PROM1: variants seen among roughly 807,000 people sequenced by gnomAD.
PROM1 encodes the protein prominin 1.
A neutral mutation model predicts 116.9 loss-of-function variants in PROM1; 105 were observed. The ratio of observed to expected loss-of-function variants is 0.90; its 90% CI spans 0.77 to 1.06. The LOEUF (loss-of-function observed/expected upper bound fraction) is 1.06, where lower values mean the gene tolerates loss of function less well. PROM1 is among the 50% of genes least tolerant of loss of function. The pLI is 0.00. For synonymous variants in PROM1, 393 were observed against 387.0 expected (o/e 1.02, Z -0.18); for missense variants, 1,122 against 1,045.2 (o/e 1.07, Z -1.01).
Position 15,985,602 on chromosome 4 carries a change from G to A in PROM1, c.2280+158C>T, listed in dbSNP as rs373219704. ...AGGTGGCTGTCCTCTGACCTGGTGG[G>A]AAGCCCCAGAAGTCTTGGTCCTGCA... On this transcript the variant is annotated intron_variant, in intron 22 of 27. Coordinates refer to ENST00000447510, the MANE Select transcript of PROM1 (RefSeq NM_006017.3). 26 of 655,950 alleles carry A rather than the reference G, an allele frequency of 4.0e-5. No individual in the cohort carries two copies. The Middle Eastern group carries it at 1.6e-3, about 40-fold the overall frequency. The allele number at this position is 655,950 out of a possible 1,614,324, so 40.6% of individuals were successfully genotyped here.
intron 15 of PROM1, among the ~76,000 whole-genome samples, chr4:15,997,893 C>G (rs559392046): frequency 1.3e-5 from 2 of 152,288 alleles, no homozygotes; most frequent in African/African-American, 4.8e-5. Context: ...ATCATGACCC[C>G]CGTGGAACAG....
chr4:16,069,799 C>T (rs138192818), intron 2 of PROM1, among the ~76,000 whole-genome samples: 1,876 of 152,270 alleles, frequency 0.012, 29 homozygotes, highest in Non-Finnish European at 0.02. Context: ...TCAGGCAGCC[C>T]TTGGAATCAG....
At chr4:16,070,406 T>C (rs1742543294) in intron 2 of PROM1, among the ~76,000 whole-genome samples, 1 of 152,208 alleles carries the variant, frequency 6.6e-6, no homozygotes, top group Non-Finnish European at 1.5e-5. Flanking sequence ...GTTATTATGA[T>C]GCAATCTCCT....
At chr4:15,979,287 A>G in intron 26 of PROM1, 108 bp downstream of exon 26, 1 of 1,544,660 alleles carries the variant, frequency 6.5e-7, no homozygotes. Flanking sequence ...AAAGTATCAT[A>G]CAGAGAGAAG....
chr4:16,055,996 A>T (rs1738915209), intron 2 of PROM1, among the ~76,000 whole-genome samples: 1 of 152,170 alleles, frequency 6.6e-6, no homozygotes, highest in Non-Finnish European at 1.5e-5. Context: ...ATTCTCCATG[A>T]AGAGTAAGGT....
At chr4:16,050,018 T>C (rs1737480748) in intron 2 of PROM1, among the ~76,000 whole-genome samples, 1 of 151,836 alleles carries the variant, frequency 6.6e-6, no homozygotes, top group African/African-American at 2.4e-5. Flanking sequence ...ATCCCAGCAC[T>C]TTGAGAGGCC....
intron 22 of PROM1, among the ~76,000 whole-genome samples, chr4:15,985,108 G>C (rs189235694): frequency 1.3e-5 from 2 of 152,132 alleles, no homozygotes; most frequent in Non-Finnish European, 2.9e-5. Flanking sequence ...ATGGATAGTT[G>C]TACCTTTACT....
chr4:16,072,393 T>C (rs1743019115), intron 2 of PROM1, among the ~76,000 whole-genome samples: 1 of 152,198 alleles, frequency 6.6e-6, no homozygotes. Flanking sequence ...CTTCTATTCC[T>C]TGACCTGTAC....
chr4:16,016,666 C>T (rs1728473088), intron 9 of PROM1, among the ~76,000 whole-genome samples: 1 of 152,196 alleles, frequency 6.6e-6, no homozygotes. Flanking sequence ...AGTTCTCTAG[C>T]TCCTACCAAT....
chr4:15,998,772 G>A (rs1005867606), intron 14 of PROM1, among the ~76,000 whole-genome samples: 6 of 151,990 alleles, frequency 3.9e-5, no homozygotes, highest in African/African-American at 1.4e-4. Flanking sequence ...CTGGAGCGCA[G>A]TGGCGCGATC....
At chr4:16,020,263 A>C (rs1225598478) in intron 8 of PROM1, among the ~76,000 whole-genome samples, 2 of 152,014 alleles carry the variant, frequency 1.3e-5, no homozygotes, top group African/African-American at 4.8e-5. Context: ...AAAACCTTAA[A>C]CTCTGCTTCA....
At chr4:16,014,217 C>T (rs16892782) in intron 10 of PROM1, among the ~76,000 whole-genome samples, 9,177 of 152,266 alleles carry the variant, frequency 0.06, 646 homozygotes, top group East Asian at 0.17. Flanking sequence ...CTTATGGTGC[C>T]AGCCAGTTTC....
At chr4:16,020,110 T>G (rs1266418683) in intron 8 of PROM1, among the ~76,000 whole-genome samples, 2 of 152,262 alleles carry the variant, frequency 1.3e-5, no homozygotes, top group African/African-American at 4.8e-5. Context: ...GCTGAGCTCT[T>G]AGGAGATGGT....
intron 1 of PROM1, chr4:16,078,142 C>G (rs1382112172): frequency 6.6e-6 from 1 of 152,348 alleles, no homozygotes; most frequent in African/African-American, 2.4e-5. Context: ...CTAAAAGCAG[C>G]TGTGGCTCCA....
At chr4:16,032,446 A>G (rs1170109150) in intron 5 of PROM1, among the ~76,000 whole-genome samples, 22 of 152,228 alleles carry the variant, frequency 1.4e-4, no homozygotes, top group Non-Finnish European at 3.2e-4. Flanking sequence ...CTTGAAAAAA[A>G]TCTTACGGCT....
chr4:15,975,397 T>A (rs546680410), intron 26 of PROM1, among the ~76,000 whole-genome samples: 8 of 152,260 alleles, frequency 5.3e-5, no homozygotes, highest in African/African-American at 1.7e-4. Context: ...TTTTTTGTAT[T>A]TTTAGTAGAG....
chr4:16,030,914 C>T (rs976643151), intron 5 of PROM1, among the ~76,000 whole-genome samples: 6 of 152,124 alleles, frequency 3.9e-5, no homozygotes, highest in African/African-American at 9.6e-5. Context: ...GGCCTGGTGG[C>T]GCATGCTTGT....
In PROM1 at chr4:16,009,099, CTT is replaced by C; in HGVS notation, c.1149_1150del (p.Arg384GlyfsTer30). 6.2e-7 allele frequency: 1 copy of C among 1,612,282 alleles called. No individual in the cohort carries two copies. The highest frequency in any genetic ancestry group is 8.5e-7 in the Non-Finnish European group (1 of 1,179,070). ...ATCTGAACCAATGGAATTCAAGACC[CTT>C]TTGATACCTGAAAACAAAGATACCT... On this transcript the variant is annotated frameshift_variant, in exon 12 of 28. Transcript: ENST00000447510. LOFTEE classifies it high-confidence loss of function.
At position 15,989,788 on chromosome 4, in the gene PROM1, C is replaced by T. The variant is rs775321230; in HGVS notation, c.2020G>A (p.Ala674Thr). ...TGGTGAATTGTTTTAATAGTTTGTG[C>T]ATCTCTTTTCAGGGAGTTCCTCAAA... is the stretch of plus-strand genomic sequence containing the variant. ...GNLRNSLKRD[A>T]QTIKTIHQQR... Residue 674 changes from alanine (A) to threonine (T), a missense_variant, in exon 19 of 28, where the codon GCA (alanine) becomes ACA (threonine). Ala to Thr is a moderately conservative substitution (Grantham distance 58). Coordinates refer to ENST00000447510, the MANE Select transcript of PROM1 (RefSeq NM_006017.3). The T allele has an allele frequency of 8.1e-6, 13 of 1,609,134 alleles. No individual in the cohort carries two copies. The highest frequency in any genetic ancestry group is 1.1e-5 in the Non-Finnish European group (13 of 1,177,370).
Sources: gnomAD v4.1 joint callset for allele counts (sites outside exome capture counted in the v4.1 genomes callset) on GRCh38, gnomAD v4.1.1 for gene constraint, MANE v1.5 for transcripts, NCBI Gene and HGNC (gene_info 2026-07-23, HGNC 2026-07-21) for gene names.